The following CDH8 variants were observed in gnomAD, a reference collection of about 807,000 sequenced individuals.
CDH8 encodes the protein cadherin 8.
CDH8 carries 17 observed loss-of-function variants against 68.1 expected under a neutral mutation model. That is an observed-to-expected ratio of 0.25 (90% CI 0.17 to 0.37). The LOEUF is 0.37. Among genes scored for constraint, CDH8 ranks in the 10% least tolerant of loss-of-function variants. CDH8 has a pLI of 1.00. For missense variants in CDH8, 763 were observed against 999.3 expected (o/e 0.76, Z 3.19); for synonymous variants, 372 against 365.1 (o/e 1.02, Z -0.21).
chr16:61,737,846 C>T (rs1413529985), intron 8 of CDH8, among the ~76,000 whole-genome samples: 17 of 151,982 alleles, frequency 1.1e-4, no homozygotes, highest in Non-Finnish European at 1.0e-4. Flanking sequence ...AAAATGTCTG[C>T]GTTGTGTTGT....
intron 2 of CDH8, among the ~76,000 whole-genome samples, chr16:61,938,213 CTGTAGACAAGT>C (rs1964657459): frequency 1.3e-5 from 2 of 152,082 alleles, no homozygotes; most frequent in South Asian, 4.1e-4. Flanking sequence ...ACATGAGTGG[CTGTAGACAAGT>C]TGATGAGGAA....
At chr16:61,952,578 A>T (rs1199493152) in intron 2 of CDH8, among the ~76,000 whole-genome samples, 1 of 152,168 alleles carries the variant, frequency 6.6e-6, no homozygotes, top group African/African-American at 2.4e-5. Flanking sequence ...TACATCATGA[A>T]AACCATGGAG....
chr16:61,747,898 G>A (rs374726658), intron 8 of CDH8, among the ~76,000 whole-genome samples: 3 of 151,984 alleles, frequency 2.0e-5, no homozygotes, highest in South Asian at 2.1e-4. Flanking sequence ...CCTTGACATC[G>A]CCGGGGCAGG....
At chr16:61,962,367 A>C (rs747394234) in intron 2 of CDH8, among the ~76,000 whole-genome samples, 13 of 152,132 alleles carry the variant, frequency 8.5e-5, no homozygotes, top group Non-Finnish European at 1.5e-4. Context: ...GTGTGGGGGA[A>C]GTGGGGCAGG....
intron 2 of CDH8, among the ~76,000 whole-genome samples, chr16:61,913,368 T>C (rs1487890001): frequency 6.6e-6 from 1 of 152,160 alleles, no homozygotes; most frequent in African/African-American, 2.4e-5. Flanking sequence ...CAATTTGTCA[T>C]CTAGATTATT....
intron 2 of CDH8, among the ~76,000 whole-genome samples, chr16:61,971,811 T>C (rs989919583): frequency 6.6e-6 from 1 of 152,116 alleles, no homozygotes; most frequent in Non-Finnish European, 1.5e-5. Context: ...AGACGTCACT[T>C]TGGAGATTTC....
intron 2 of CDH8, among the ~76,000 whole-genome samples, chr16:61,935,641 T>G (rs1313028004): frequency 6.6e-6 from 1 of 152,174 alleles, no homozygotes; most frequent in African/African-American, 2.4e-5. Flanking sequence ...TCACTATTCA[T>G]TTTTCTCTTT....
At chr16:61,862,670 A>G (rs1414386400) in intron 3 of CDH8, among the ~76,000 whole-genome samples, 2 of 152,186 alleles carry the variant, frequency 1.3e-5, no homozygotes. Flanking sequence ...GTGATTGCCC[A>G]TGGGGGAAAA....
chr16:62,008,668 A>C lies in CDH8; in HGVS notation c.252+12484T>G, dbSNP rs187534936. 3.3e-5 allele frequency among the ~76,000 whole-genome samples: 5 copies of C among 152,246 alleles called. No individual in the cohort carries two copies. The East Asian group carries it at 9.7e-4, about 29-fold the overall frequency. On this transcript the variant is annotated intron_variant, in intron 2 of 11. Coordinates refer to ENST00000577390, the MANE Select transcript of CDH8 (RefSeq NM_001796.5). ...AGGCATGAGTCACAGTCTTAAATGCATTTCTGATAGGCTAGTTGGAATGTG... is the reference window on the plus strand; with the variant it reads ...AGGCATGAGTCACAGTCTTAAATGCCTTTCTGATAGGCTAGTTGGAATGTG...
At chr16:61,844,589 A>C (rs1229394765) in intron 4 of CDH8, among the ~76,000 whole-genome samples, 4 of 152,170 alleles carry the variant, frequency 2.6e-5, no homozygotes, top group Non-Finnish European at 5.9e-5. Context: ...AAATAAGGCA[A>C]TTCCCATTTT....
intron 4 of CDH8, among the ~76,000 whole-genome samples, chr16:61,836,286 G>C (rs1962566714): frequency 6.6e-6 from 1 of 151,884 alleles, no homozygotes; most frequent in African/African-American, 2.4e-5. Context: ...TGGATTTCTG[G>C]CTTCTTCACT....
chr16:61,647,765 T>C lies in CDH8; in HGVS notation c.*5843A>G, dbSNP rs1368383316. On this transcript the variant is annotated 3_prime_UTR_variant, in exon 12 of 12. Transcript: ENST00000577390. ...AAATCCCAAGAAATTAACATTTGGC[T>C]TTGGTGACCTCTCATTTCCTTTTCT... 41 of 697,982 alleles carry C rather than the reference T, an allele frequency of 5.9e-5. No individual in the cohort carries two copies. The highest frequency in any genetic ancestry group is 1.0e-4 in the Non-Finnish European group (40 of 382,006). 43.2% of individuals were successfully genotyped at this position (697,982 alleles called of 1,614,324 possible). A position where few individuals can be genotyped will look rare whatever the true frequency, so the allele number is the denominator to read the frequency against.
At chr16:61,677,223 A>T (rs1254985606) in intron 10 of CDH8, among the ~76,000 whole-genome samples, 1 of 150,528 alleles carries the variant, frequency 6.6e-6, no homozygotes, top group Non-Finnish European at 1.5e-5. Flanking sequence ...TCTTTCCCAG[A>T]AAACACAGGG....
intron 10 of CDH8, among the ~76,000 whole-genome samples, chr16:61,694,828 C>T (rs1964295272): frequency 6.6e-6 from 1 of 152,212 alleles, no homozygotes; most frequent in East Asian, 1.9e-4. Context: ...GTCACCCAGG[C>T]TGGAGTGCAG....
intron 3 of CDH8, among the ~76,000 whole-genome samples, chr16:61,889,862 A>G (rs1261713700): frequency 6.6e-6 from 1 of 152,226 alleles, no homozygotes; most frequent in Non-Finnish European, 1.5e-5. Context: ...AAACAGGATC[A>G]TGGGGTTGTC....
chr16:61,778,781 G>T (rs915283000), intron 8 of CDH8, among the ~76,000 whole-genome samples: 4 of 152,098 alleles, frequency 2.6e-5, no homozygotes, highest in Non-Finnish European at 5.9e-5. Context: ...CCAAAATGTG[G>T]CAAGGACTCC....
In CDH8 at chr16:61,733,386, C is replaced by T. The variant is rs148675088; in HGVS notation, c.1415-6171G>A. ...TTGATAAACAGGAAGTAAACAGTGA[C>T]TTTTTGCAAAAAAAAATCTTTATGC... On this transcript the variant is annotated intron_variant, in intron 8 of 11. Coordinates refer to ENST00000577390, the MANE Select transcript of CDH8 (RefSeq NM_001796.5). Among the ~76,000 whole-genome samples the T allele has an allele frequency of 1.3e-3, 200 of 151,484 alleles. 4 individuals are homozygous for T. In the East Asian group the frequency reaches 0.037, roughly 28 times the overall value.
intron 2 of CDH8, among the ~76,000 whole-genome samples, chr16:62,012,178 C>T (rs1349349969): frequency 2.0e-5 from 3 of 152,178 alleles, no homozygotes; most frequent in Non-Finnish European, 4.4e-5. Flanking sequence ...TCTTAAATAA[C>T]ATCGTTCCAT....
chr16:62,021,310 T>A lies in CDH8; in HGVS notation c.94A>T (p.Met32Leu). 6.2e-7 allele frequency: 1 copy of A among 1,614,038 alleles called. No individual in the cohort carries two copies. Among genetic ancestry groups the A allele is most frequent in the Non-Finnish European group, 8.5e-7 (1 of 1,179,954 alleles). The part of the protein sequence containing the change: ...TLPPCIYMAP[M>L]NQSQVLMSGS... ...CTCATTAAAACTTGAGACTGATTCA[T>A]CGGAGCCATGTAAATGCAAGGGGGA... The change falls in exon 2 of 12, where the codon ATG becomes TTG. Residue 32 changes from methionine (M) to leucine (L), a missense_variant. By Grantham distance (15) the Met-to-Leu change is conservative. This residue lies in a region of CDH8 where 366 missense variants were observed against 563.1 expected (regional missense o/e 0.65). Transcript: ENST00000577390.
Sources: allele counts gnomAD v4.1 joint callset (sites outside exome capture counted in the v4.1 genomes callset), GRCh38; gene constraint gnomAD v4.1.1; regional missense constraint gnomAD v4.1.1; transcripts MANE v1.5; gene names NCBI Gene and HGNC (gene_info 2026-07-23, HGNC 2026-07-21).